TRAPPC9: variants seen among roughly 807,000 people sequenced by gnomAD.
The protein encoded by TRAPPC9 is IKK2 binding protein.
In TRAPPC9, 83 loss-of-function variants were observed where a neutral mutation model predicts 124.0. The observed-to-expected ratio is 0.67, with a 90% confidence interval of 0.56 to 0.80. TRAPPC9 has a LOEUF of 0.80. TRAPPC9 is among the 30% of genes least tolerant of loss of function. TRAPPC9 has a pLI of 0.00. For synonymous variants in TRAPPC9, 638 were observed against 617.5 expected (o/e 1.03, Z -0.49); for missense variants, 1,302 against 1,508.3 (o/e 0.86, Z 2.27).
intron 17 of TRAPPC9, among the ~76,000 whole-genome samples, chr8:140,045,215 G>A (rs1180552979): frequency 1.3e-5 from 2 of 152,190 alleles, no homozygotes; most frequent in Non-Finnish European, 2.9e-5. Flanking sequence ...TGAGACCTGG[G>A]CAAACAACCT....
At chr8:139,765,165 C>A (rs1259988823) in intron 21 of TRAPPC9, among the ~76,000 whole-genome samples, 4 of 152,190 alleles carry the variant, frequency 2.6e-5, no homozygotes, top group African/African-American at 9.6e-5. Flanking sequence ...CCTGGTCCCC[C>A]CAAACACACT....
At position 140,182,283 on chromosome 8, in the gene TRAPPC9, T is replaced by A. The variant is rs1003869726; in HGVS notation, c.2556+39176A>T. ...GGCAAATGTTTCCGAAGCCTGCCTT[T>A]CCCTAAGACCTTGGTCTATTCAACT... On this transcript the variant is annotated intron_variant, in intron 17 of 22. Transcript: ENST00000438773. This position sits in a 1 kb window ranked among gnomAD's most constrained non-coding sequence, Gnocchi z 4.0. 6.6e-6 allele frequency among the ~76,000 whole-genome samples: 1 copy of A among 151,984 alleles called. No homozygotes were observed. The highest frequency in any genetic ancestry group is 2.4e-5 in the African/African-American group (1 of 41,350).
intron 9 of TRAPPC9, among the ~76,000 whole-genome samples, chr8:140,329,608 G>C (rs1163954003): frequency 6.6e-6 from 1 of 152,144 alleles, no homozygotes; most frequent in Non-Finnish European, 1.5e-5. Flanking sequence ...TCTTTTCAAA[G>C]GCCACACTGC....
chr8:140,431,390 G>A (rs2070639795), intron 4 of TRAPPC9, among the ~76,000 whole-genome samples: 1 of 151,970 alleles, frequency 6.6e-6, no homozygotes, highest in Non-Finnish European at 1.5e-5. Flanking sequence ...CCAGGAGACA[G>A]AGGTTGCAGT....
chr8:140,021,076 G>T, intron 18 of TRAPPC9, among the ~76,000 whole-genome samples: 1 of 152,124 alleles, frequency 6.6e-6, no homozygotes, highest in Non-Finnish European at 1.5e-5. Flanking sequence ...ATTTTTAAAG[G>T]TAGTATTAAA....
At position 140,111,153 on chromosome 8, in the gene TRAPPC9, GCCTGTTTCCTGTGGGGAC is replaced by G. The variant is rs143839980; in HGVS notation, c.2557-87092_2557-87075del. ...CCCCAGTTACCCCTCTGAGTGTGCTGCCTGTTTCCTGTGGGGACCCTGACTGATACATCCATTAAAAGC... is the reference window on the plus strand; with the variant it reads ...CCCCAGTTACCCCTCTGAGTGTGCTGCCTGACTGATACATCCATTAAAAGC... On this transcript the variant is annotated intron_variant, in intron 17 of 22. Coordinates refer to ENST00000438773, the MANE Select transcript of TRAPPC9 (RefSeq NM_001160372.4). Among the ~76,000 whole-genome samples the G allele has an allele frequency of 3.7e-3, 565 of 151,068 alleles. 10 individuals carry two copies. Among genetic ancestry groups the G allele is most frequent in the East Asian group, 0.028 (140 of 5,000 alleles).
rs2066382113 is a variant in TRAPPC9 at position 140,314,110 on chromosome 8, T to TC, written c.1496-2737dup. ...AATTTGTTTATAAGGAAGGATTTTTTCCTCATCAATCATTTGGTTATCCTG... is the reference window on the plus strand; with the variant it reads ...AATTTGTTTATAAGGAAGGATTTTTTCCCTCATCAATCATTTGGTTATCCTG... On this transcript the variant is annotated intron_variant, in intron 9 of 22. Coordinates refer to ENST00000438773, the MANE Select transcript of TRAPPC9 (RefSeq NM_001160372.4). 1.3e-5 allele frequency among the ~76,000 whole-genome samples: 2 copies of TC among 152,230 alleles called. 1 individual carries two copies. Among genetic ancestry groups the TC allele is most frequent in the South Asian group, 4.1e-4 (2 of 4,832 alleles).
intron 15 of TRAPPC9, among the ~76,000 whole-genome samples, chr8:140,267,841 A>G (rs1165089367): frequency 2.6e-5 from 4 of 151,918 alleles, no homozygotes; most frequent in Non-Finnish European, 4.4e-5. Flanking sequence ...CAATTTTTGT[A>G]TTTTTTAGTA....
In TRAPPC9 at chr8:139,998,737, TA is replaced by T. The variant is rs538449360; in HGVS notation, c.2700-9902del. ...ACTCCGTCTCAAAAAAATAAATAAA[TA>T]AATAAAACAAAACAAAAAAAAACAA... On this transcript the variant is annotated intron_variant, in intron 18 of 22. Coordinates refer to ENST00000438773, the MANE Select transcript of TRAPPC9 (RefSeq NM_001160372.4). 4.9e-3 allele frequency among the ~76,000 whole-genome samples: 743 copies of T among 151,282 alleles called. 3 individuals carry two copies. The highest frequency in any genetic ancestry group is 5.3e-3 in the Non-Finnish European group (361 of 67,828).
At chr8:139,896,904 G>A (rs986790211) in intron 20 of TRAPPC9, among the ~76,000 whole-genome samples, 7 of 152,178 alleles carry the variant, frequency 4.6e-5, no homozygotes, top group South Asian at 2.1e-4. Flanking sequence ...TTTCCAAATC[G>A]TCAACAGGTT....
chr8:140,106,348 C>CA (rs150764134), intron 17 of TRAPPC9, among the ~76,000 whole-genome samples: 8,734 of 152,224 alleles, frequency 0.057, 277 homozygotes, highest in African/African-American at 0.079. Context: ...GACTGAAGAT[C>CA]AAAAAGAATT....
At position 139,788,384 on chromosome 8, in the gene TRAPPC9, C is replaced by T. The variant is rs936946241; in HGVS notation, c.3056-56182G>A. 6.6e-6 allele frequency among the ~76,000 whole-genome samples: 1 copy of T among 152,220 alleles called. No homozygotes were observed. Among genetic ancestry groups the T allele is most frequent in the African/African-American group, 2.4e-5 (1 of 41,468 alleles). On this transcript the variant is annotated intron_variant, in intron 21 of 22. Transcript: ENST00000438773. This position sits in a 1 kb window ranked among gnomAD's most constrained non-coding sequence, Gnocchi z 4.9. ...AACAGGTTTCTAAAAATAGCCTGGC[C>T]TGTCAAAACTGTTAACTATCAGGCA...
intron 21 of TRAPPC9, among the ~76,000 whole-genome samples, chr8:139,828,553 TG>T (rs921341697): frequency 2.0e-5 from 3 of 152,214 alleles, no homozygotes; most frequent in African/African-American, 7.2e-5. Flanking sequence ...AATGCTCCTT[TG>T]AAGGAACATC....
At chr8:139,784,943 T>C (rs1294126918) in intron 21 of TRAPPC9, among the ~76,000 whole-genome samples, 1 of 151,820 alleles carries the variant, frequency 6.6e-6, no homozygotes, top group African/African-American at 2.4e-5. Context: ...TTAAAAAAAA[T>C]AGAAAGTGGC....
chr8:140,014,198 G>T (rs1377212141), intron 18 of TRAPPC9, among the ~76,000 whole-genome samples: 5 of 152,086 alleles, frequency 3.3e-5, no homozygotes, highest in South Asian at 2.1e-4. Flanking sequence ...TTTCCACATA[G>T]ATCAGAGTAG....
intron 5 of TRAPPC9, among the ~76,000 whole-genome samples, chr8:140,415,066 C>T (rs976020641): frequency 1.3e-5 from 2 of 152,028 alleles, no homozygotes; most frequent in Non-Finnish European, 2.9e-5. Context: ...CTTTGATTAG[C>T]TGGGTATGAT....
intron 6 of TRAPPC9, 156 bp downstream of exon 6, chr8:140,405,421 C>T (rs1028496089): frequency 2.6e-6 from 2 of 755,814 alleles, no homozygotes; most frequent in Non-Finnish European, 2.1e-6. Context: ...AAAAAGAAAA[C>T]ATTTTAGGCA....
At chr8:139,905,820 C>T (rs1018432455) in intron 20 of TRAPPC9, among the ~76,000 whole-genome samples, 5 of 151,956 alleles carry the variant, frequency 3.3e-5, no homozygotes, top group African/African-American at 9.7e-5. Flanking sequence ...CCCAGCTGGG[C>T]GCGGTGGCTC....
At chr8:139,848,421 G>A (rs1306214065) in intron 21 of TRAPPC9, among the ~76,000 whole-genome samples, 1 of 152,170 alleles carries the variant, frequency 6.6e-6, no homozygotes, top group African/African-American at 2.4e-5. Flanking sequence ...CACGGTGATA[G>A]ATTGATTGCC....
Sources: allele counts gnomAD v4.1 joint callset (sites outside exome capture counted in the v4.1 genomes callset), GRCh38; gene constraint gnomAD v4.1.1; non-coding constraint Gnocchi (gnomAD v3.1); transcripts MANE v1.5; gene names NCBI Gene and HGNC (gene_info 2026-07-23, HGNC 2026-07-21).